Variants in BANK1 observed in about 807,000 individuals in gnomAD.
BANK1 encodes the protein B-cell scaffold protein with ankyrin repeats.
A neutral mutation model predicts 94.5 loss-of-function variants in BANK1; 95 were observed. That is an observed-to-expected ratio of 1.00 (90% CI 0.85 to 1.19). BANK1 has a LOEUF of 1.19. BANK1 is among the 50% of genes most tolerant of loss of function. The pLI is 0.00. For synonymous variants in BANK1, 334 were observed against 308.4 expected (o/e 1.08, Z -0.87); for missense variants, 987 against 932.2 (o/e 1.06, Z -0.77).
chr4:102,063,835 A>G (rs941745074), intron 13 of BANK1, among the ~76,000 whole-genome samples: 2 of 151,532 alleles, frequency 1.3e-5, no homozygotes, highest in South Asian at 4.2e-4. Context: ...AAAAAAAAAA[A>G]GAAATGAAAT....
chr4:101,964,683 C>T (rs1054578791), intron 7 of BANK1, among the ~76,000 whole-genome samples: 2 of 151,956 alleles, frequency 1.3e-5, no homozygotes, highest in South Asian at 2.1e-4. Context: ...ACTTTTTCTT[C>T]CTCCTTAGGG....
chr4:101,994,704 G>A (rs1020713395), intron 7 of BANK1, among the ~76,000 whole-genome samples: 7 of 152,042 alleles, frequency 4.6e-5, no homozygotes, highest in Non-Finnish European at 8.8e-5. Flanking sequence ...CAGGAAACCT[G>A]TATCTTTTGA....
intron 7 of BANK1, among the ~76,000 whole-genome samples, chr4:101,938,674 A>G (rs1723650759): frequency 6.6e-6 from 1 of 151,662 alleles, no homozygotes; most frequent in Admixed American, 6.6e-5. Context: ...TGAATGAAAG[A>G]TAGCTCTTGG....
Position 102,035,603 on chromosome 4 carries a change from G to C in BANK1, c.1900+5338G>C, listed in dbSNP as rs190059531. The stretch of plus-strand genomic sequence containing the variant: ...GCAGAGCTTGCAGTGATCCGAGATC[G>C]CGCCACTGCACTCCAGCCTGGGTGA... On this transcript the variant is annotated intron_variant, in intron 10 of 16. Transcript: ENST00000322953. 2.6e-3 allele frequency among the ~76,000 whole-genome samples: 386 copies of C among 147,710 alleles called. 8 individuals are homozygous for C. The highest frequency in any genetic ancestry group is 0.02 in the Admixed American group (299 of 14,758).
intron 9 of BANK1, among the ~76,000 whole-genome samples, chr4:102,028,764 T>G (rs774344299): frequency 6.6e-6 from 1 of 152,166 alleles, no homozygotes; most frequent in African/African-American, 2.4e-5. Flanking sequence ...GTCAAGATAT[T>G]ACTGTATGGA....
chr4:101,998,477 A>C (rs980592852), intron 7 of BANK1, among the ~76,000 whole-genome samples: 1 of 152,006 alleles, frequency 6.6e-6, no homozygotes, highest in Non-Finnish European at 1.5e-5. Flanking sequence ...CTTGTTAACT[A>C]TCTGTCTTGT....
chr4:101,853,731 G>A (rs1200735120), intron 2 of BANK1, among the ~76,000 whole-genome samples: 1 of 152,112 alleles, frequency 6.6e-6, no homozygotes, highest in Non-Finnish European at 1.5e-5. Flanking sequence ...TGGTCTGCTT[G>A]AGACTGAGGG....
At chr4:101,856,502 T>C (rs896814979) in intron 3 of BANK1, among the ~76,000 whole-genome samples, 1 of 151,984 alleles carries the variant, frequency 6.6e-6, no homozygotes, top group African/African-American at 2.4e-5. Context: ...CTCAAGTAGA[T>C]GAAATCAAAG....
chr4:102,004,453 T>A (rs1233133305), intron 7 of BANK1, among the ~76,000 whole-genome samples: 1 of 152,188 alleles, frequency 6.6e-6, no homozygotes, highest in African/African-American at 2.4e-5. Context: ...AAAATATAAC[T>A]TCTATAACCA....
At chr4:101,934,221 A>C (rs995360908) in intron 7 of BANK1, among the ~76,000 whole-genome samples, 1 of 151,504 alleles carries the variant, frequency 6.6e-6, no homozygotes, top group Non-Finnish European at 1.5e-5. Context: ...GGTATGCTGA[A>C]TATTTTGAAA....
intron 7 of BANK1, among the ~76,000 whole-genome samples, chr4:101,963,502 A>G (rs1454810384): frequency 6.6e-6 from 1 of 151,848 alleles, no homozygotes; most frequent in African/African-American, 2.4e-5. Context: ...GTTTACACAT[A>G]TGCCATTTTT....
At chr4:101,901,755 G>GT (rs869230636) in intron 6 of BANK1, among the ~76,000 whole-genome samples, 9 of 42,014 alleles carry the variant, frequency 2.1e-4, no homozygotes, top group South Asian at 1.6e-3. Context: ...GACGCTTTTT[G>GT]TTTTTTTGTT....
chr4:101,809,388 G>A (rs913332916), intron 1 of BANK1, among the ~76,000 whole-genome samples: 1 of 151,966 alleles, frequency 6.6e-6, no homozygotes, highest in African/African-American at 2.4e-5. Flanking sequence ...CTACATATTA[G>A]GTACAGTGTA....
intron 10 of BANK1, among the ~76,000 whole-genome samples, chr4:102,042,546 TGGG>T (rs905885747): frequency 3.9e-5 from 6 of 151,998 alleles, no homozygotes; most frequent in Non-Finnish European, 8.8e-5. Context: ...TTTGATCAGA[TGGG>T]GGGAAATTTT....
At chr4:101,910,153 A>G (rs1722614192) in intron 6 of BANK1, among the ~76,000 whole-genome samples, 1 of 152,112 alleles carries the variant, frequency 6.6e-6, no homozygotes, top group African/African-American at 2.4e-5. Flanking sequence ...TAAAATTCAG[A>G]TTGCTGCCAT....
intron 12 of BANK1, among the ~76,000 whole-genome samples, chr4:102,061,214 C>T (rs189008008): frequency 6.6e-6 from 1 of 152,094 alleles, no homozygotes; most frequent in East Asian, 1.9e-4. Context: ...GTTTAAAAGA[C>T]GATGCTTAGG....
intron 3 of BANK1, among the ~76,000 whole-genome samples, chr4:101,859,273 C>T (rs1472089381): frequency 6.6e-6 from 1 of 152,206 alleles, no homozygotes; most frequent in Non-Finnish European, 1.5e-5. Context: ...CAAAAGATGT[C>T]TCTTTCTTTT....
At chr4:101,910,395 G>A (rs1722623617) in intron 6 of BANK1, among the ~76,000 whole-genome samples, 1 of 152,122 alleles carries the variant, frequency 6.6e-6, no homozygotes, top group Non-Finnish European at 1.5e-5. Flanking sequence ...AATCATGGGT[G>A]CAGAGGCTGT....
At chr4:101,956,288 G>A (rs1233903247) in intron 7 of BANK1, among the ~76,000 whole-genome samples, 4 of 152,110 alleles carry the variant, frequency 2.6e-5, no homozygotes, top group Admixed American at 2.6e-4. Context: ...ACTTCCTCAA[G>A]GCTCTATCCT....
Sources: allele counts gnomAD v4.1 joint callset (sites outside exome capture counted in the v4.1 genomes callset), GRCh38; gene constraint gnomAD v4.1.1; transcripts MANE v1.5; gene names NCBI Gene and HGNC (gene_info 2026-07-23, HGNC 2026-07-21).